ABCC4: variants seen among roughly 807,000 people sequenced by gnomAD.
ABCC4 encodes the protein ATP-binding cassette sub-family C member 4.
A neutral mutation model predicts 168.5 loss-of-function variants in ABCC4; 102 were observed. That is an observed-to-expected ratio of 0.61 (90% CI 0.52 to 0.71). ABCC4 has a LOEUF of 0.71. Among genes scored for constraint, ABCC4 ranks in the 30% least tolerant of loss-of-function variants. The probability of loss-of-function intolerance (pLI) is 0.00; values close to 1 mark genes in which losing one functional copy is unlikely to be tolerated. For missense variants in ABCC4, 1,402 were observed against 1,605.8 expected (o/e 0.87, Z 2.17); for synonymous variants, 617 against 590.7 (o/e 1.04, Z -0.65).
chr13:95,047,266 T>C (rs1051105357), intron 27 of ABCC4, among the ~76,000 whole-genome samples: 3 of 152,196 alleles, frequency 2.0e-5, no homozygotes, highest in African/African-American at 2.4e-5. Context: ...GTTCCTGAAC[T>C]TTCTCTATCT....
At position 95,074,066 on chromosome 13, in the gene ABCC4, C is replaced by T. The variant is rs568440074; in HGVS notation, c.2917+148G>A. On this transcript the variant is annotated intron_variant, in intron 23 of 30. Coordinates refer to ENST00000645237, the MANE Select transcript of ABCC4 (RefSeq NM_005845.5). ...AAATGAGTCACACTGCTGAATCCTA[C>T]CCAACCTGACACATCGTAAATGATT... The T allele has an allele frequency of 2.2e-5, 14 of 646,338 alleles. No homozygotes were observed. In the South Asian group the frequency reaches 2.6e-4, roughly 12 times the overall value. 40.0% of individuals were successfully genotyped at this position (646,338 alleles called of 1,614,324 possible).
chr13:95,205,751 C>G (rs190727862), intron 8 of ABCC4, among the ~76,000 whole-genome samples: 1 of 152,162 alleles, frequency 6.6e-6, no homozygotes, highest in South Asian at 2.1e-4. Context: ...GTGATCAGGT[C>G]GCTACGGCAG....
intron 8 of ABCC4, 73 bp downstream of exon 8, chr13:95,206,459 T>A: frequency 1.3e-6 from 2 of 1,565,814 alleles, no homozygotes; most frequent in Admixed American, 3.5e-5. Flanking sequence ...TGGAACATAG[T>A]GATGCTAAAT....
intron 30 of ABCC4, among the ~76,000 whole-genome samples, chr13:95,033,772 T>C (rs2031996627): frequency 6.6e-6 from 1 of 151,950 alleles, no homozygotes; most frequent in Non-Finnish European, 1.5e-5. Flanking sequence ...AAGTGATTCT[T>C]CTGCCTAGCC....
At chr13:95,189,293 C>T (rs1340392143) in intron 9 of ABCC4, among the ~76,000 whole-genome samples, 1 of 151,026 alleles carries the variant, frequency 6.6e-6, no homozygotes, top group Admixed American at 6.6e-5. Context: ...GCCACTGCGC[C>T]CAGCTAATTT....
At chr13:95,096,189 A>G (rs75002273) in intron 20 of ABCC4, 4 of 493,812 alleles carry the variant, frequency 8.1e-6, no homozygotes, top group African/African-American at 4.3e-5. Flanking sequence ...TCTATGAAAG[A>G]AAAAAAAAAA....
chr13:95,278,272 T>C (rs2041022674), intron 1 of ABCC4, among the ~76,000 whole-genome samples: 1 of 152,208 alleles, frequency 6.6e-6, no homozygotes, highest in South Asian at 2.1e-4. Flanking sequence ...ACCTTATGTA[T>C]ACTTCATATT....
At chr13:95,034,556 G>A in intron 30 of ABCC4, 49 bp downstream of exon 30, 1 of 1,592,650 alleles carries the variant, frequency 6.3e-7, no homozygotes, top group South Asian at 1.1e-5. Flanking sequence ...ATTGTGCGGA[G>A]GGAGCCGCTG....
At chr13:95,171,371 G>A (rs1381406576) in intron 13 of ABCC4, among the ~76,000 whole-genome samples, 1 of 143,362 alleles carries the variant, frequency 7.0e-6, no homozygotes. Context: ...CTCCTACATT[G>A]TAAACGTAGA....
intron 26 of ABCC4, among the ~76,000 whole-genome samples, chr13:95,057,357 G>A (rs2033102270): frequency 6.6e-6 from 1 of 151,904 alleles, no homozygotes; most frequent in South Asian, 2.1e-4. Flanking sequence ...CTCCTGCTTC[G>A]GCCTCCCGAG....
chr13:95,290,103 A>AATAGATAGATAG (rs72443922), intron 1 of ABCC4, among the ~76,000 whole-genome samples: 182 of 113,802 alleles, frequency 1.6e-3, no homozygotes, highest in African/African-American at 2.6e-3. Context: ...TCTCAAAAAA[A>AATAGATAGATAG]ATAGATAGAT....
chr13:95,113,761 A>G (rs993550735), intron 20 of ABCC4, among the ~76,000 whole-genome samples: 3 of 152,068 alleles, frequency 2.0e-5, no homozygotes, highest in African/African-American at 7.2e-5. Context: ...TCCCCGGGAG[A>G]AAGGCTCGGC....
intron 1 of ABCC4, among the ~76,000 whole-genome samples, chr13:95,297,277 A>AAG (rs1002433663): frequency 6.6e-6 from 1 of 151,664 alleles, no homozygotes; most frequent in African/African-American, 2.4e-5. Flanking sequence ...ATAAAAAAAA[A>AAG]AAAGAAAGAA....
chr13:95,119,897 T>C (rs1023037045), intron 19 of ABCC4, among the ~76,000 whole-genome samples: 3 of 152,212 alleles, frequency 2.0e-5, no homozygotes, highest in African/African-American at 7.2e-5. Context: ...TTTCAAGACA[T>C]TTTTATGCCC....
intron 25 of ABCC4, among the ~76,000 whole-genome samples, chr13:95,069,848 G>C (rs1054453012): frequency 1.3e-5 from 2 of 152,190 alleles, no homozygotes; most frequent in African/African-American, 4.8e-5. Flanking sequence ...ATCACATTTT[G>C]TTTTTCCATT....
At chr13:95,246,257 C>T (rs4148439) in intron 3 of ABCC4, among the ~76,000 whole-genome samples, 7,840 of 152,252 alleles carry the variant, frequency 0.051, 522 homozygotes, top group East Asian at 0.18. Context: ...GCAATCCACT[C>T]CGACAACAAG....
chr13:95,185,274 G>T (rs372368180), intron 11 of ABCC4, among the ~76,000 whole-genome samples: 1 of 152,160 alleles, frequency 6.6e-6, no homozygotes. Context: ...ATAAGACCTG[G>T]TAGGATCTGA....
At chr13:95,246,549 C>T (rs2040110920) in intron 3 of ABCC4, among the ~76,000 whole-genome samples, 1 of 152,212 alleles carries the variant, frequency 6.6e-6, no homozygotes, top group South Asian at 2.1e-4. Context: ...AAATGTCTTA[C>T]ATTATTCTGG....
chr13:95,251,302 C>CGG, intron 1 of ABCC4, among the ~76,000 whole-genome samples: 1 of 152,310 alleles, frequency 6.6e-6, no homozygotes, highest in East Asian at 1.9e-4. Flanking sequence ...TTAGCCCTCT[C>CGG]TGCCTCCTTA....
Sources: gnomAD v4.1 joint callset for allele counts (sites outside exome capture counted in the v4.1 genomes callset) on GRCh38, gnomAD v4.1.1 for gene constraint, MANE v1.5 for transcripts, NCBI Gene and HGNC (gene_info 2026-07-23, HGNC 2026-07-21) for gene names.